STK39: variants seen among roughly 807,000 people sequenced by gnomAD.
STK39 encodes the protein STE20/SPS1-related proline-alanine-rich protein kinase.
Under a neutral mutation model 77.8 loss-of-function variants are expected in STK39, and 20 were observed. The observed-to-expected ratio is 0.26, with a 90% CI of 0.18 to 0.37. The LOEUF (loss-of-function observed/expected upper bound fraction) is 0.37. Among genes scored for constraint, STK39 ranks in the 10% least tolerant of loss-of-function variants. The probability of loss-of-function intolerance (pLI) is 1.00; values close to 1 mark genes in which losing one functional copy is unlikely to be tolerated. For missense variants in STK39, 479 were observed against 656.5 expected, an observed-to-expected ratio of 0.73 and a Z score of 2.95; for synonymous variants, 246 against 234.1, an observed-to-expected ratio of 1.05 and a Z score of -0.47.
chr2:168,075,896 G>C (rs113709045), intron 10 of STK39, among the ~76,000 whole-genome samples: 28 of 152,186 alleles, frequency 1.8e-4, no homozygotes, highest in Non-Finnish European at 3.7e-4. Context: ...AGCCATGCTA[G>C]TGTCTAGATT....
chr2:168,087,301 T>C (rs770050463), intron 10 of STK39, among the ~76,000 whole-genome samples: 14 of 152,220 alleles, frequency 9.2e-5, no homozygotes, highest in Non-Finnish European at 1.6e-4. Context: ...AGAAGATTTC[T>C]GACAAGCAAC....
intron 5 of STK39, 74 bp from the exon 6 acceptor site, chr2:168,140,832 G>T: frequency 8.1e-7 from 1 of 1,238,874 alleles, no homozygotes; most frequent in Non-Finnish European, 1.1e-6. Context: ...TTTTGAGCAT[G>T]TCTCTTCTTT....
intron 5 of STK39, among the ~76,000 whole-genome samples, chr2:168,146,491 G>A (rs1688144015): frequency 6.6e-6 from 1 of 152,190 alleles, no homozygotes; most frequent in African/African-American, 2.4e-5. Context: ...ATGCCTAAGT[G>A]GCTGGGTGGG....
At chr2:168,224,499 A>T (rs1464963288) in intron 1 of STK39, among the ~76,000 whole-genome samples, 2 of 151,804 alleles carry the variant, frequency 1.3e-5, no homozygotes, top group African/African-American at 4.9e-5. Flanking sequence ...CGCATTTACA[A>T]ATGCACACTA....
At chr2:168,099,566 C>T (rs949402409) in intron 10 of STK39, among the ~76,000 whole-genome samples, 6 of 152,160 alleles carry the variant, frequency 3.9e-5, no homozygotes, top group African/African-American at 1.4e-4. Flanking sequence ...TCAGCTGTAC[C>T]TATAGGGGAC....
intron 10 of STK39, among the ~76,000 whole-genome samples, chr2:168,112,267 T>C (rs1195053137): frequency 1.3e-5 from 2 of 152,158 alleles, no homozygotes; most frequent in Admixed American, 6.6e-5. Context: ...CACTGGACTC[T>C]TGGGACTCCT....
At chr2:167,983,493 GAA>G (rs1683483334) in intron 16 of STK39, among the ~76,000 whole-genome samples, 2 of 141,524 alleles carry the variant, frequency 1.4e-5, no homozygotes, top group Admixed American at 6.9e-5. Flanking sequence ...AGGAAGGAAG[GAA>G]GGAAGGAAGG....
At chr2:167,972,948 G>A (rs1268573055) in intron 16 of STK39, among the ~76,000 whole-genome samples, 1 of 152,106 alleles carries the variant, frequency 6.6e-6, no homozygotes, top group Non-Finnish European at 1.5e-5. Flanking sequence ...AGCTGTGCCT[G>A]CTTATTAGGC....
At chr2:168,037,958 C>CA (rs1182191774) in intron 14 of STK39, among the ~76,000 whole-genome samples, 1 of 151,958 alleles carries the variant, frequency 6.6e-6, no homozygotes, top group African/African-American at 2.4e-5. Context: ...ATCATTTGAG[C>CA]AAAAGACTTA....
intron 14 of STK39, among the ~76,000 whole-genome samples, chr2:168,059,204 T>C (rs1685601387): frequency 6.6e-6 from 1 of 152,204 alleles, no homozygotes; most frequent in Non-Finnish European, 1.5e-5. Context: ...AATTCTAAGA[T>C]GACCCCAATA....
At position 167,972,594 on chromosome 2, in the gene STK39, C is replaced by T. The variant is rs1046459043; in HGVS notation, c.1499-7868G>A. ...CATTTGTTAATTCTCTTCCCCTCCACGAACCATCTTAAATTTTCCTTTTTC... is the reference window on the plus strand; with the variant it reads ...CATTTGTTAATTCTCTTCCCCTCCATGAACCATCTTAAATTTTCCTTTTTC... On this transcript the variant is annotated intron_variant, in intron 16 of 17. Coordinates refer to ENST00000355999, the MANE Select transcript of STK39 (RefSeq NM_013233.3). Among the ~76,000 whole-genome samples, 7 of 152,170 alleles carry T rather than the reference C, an allele frequency of 4.6e-5. No individual in the cohort carries two copies. In the South Asian group the frequency reaches 6.2e-4, roughly 14 times the overall value.
chr2:168,121,390 C>A (rs1687401567), intron 10 of STK39, among the ~76,000 whole-genome samples: 1 of 152,160 alleles, frequency 6.6e-6, no homozygotes, highest in Admixed American at 6.5e-5. Context: ...GTATTTAATT[C>A]TCACTACTCT....
chr2:168,158,513 A>G lies in STK39; in HGVS notation c.628+3274T>C, dbSNP rs751409730. 2.0e-5 allele frequency among the ~76,000 whole-genome samples: 3 copies of G among 152,344 alleles called. No individual in the cohort carries two copies. In the South Asian group the frequency reaches 6.2e-4, roughly 32 times the overall value. The stretch of plus-strand genomic sequence containing the variant: ...GGCCCAAAGGGGAATCGATTTATGC[A>G]GAGACACAGAAGAGCTAGTGATCGC... On this transcript the variant is annotated intron_variant, in intron 5 of 17. Coordinates refer to ENST00000355999, the MANE Select transcript of STK39 (RefSeq NM_013233.3).
chr2:168,174,980 T>A (rs1221512671), intron 2 of STK39, among the ~76,000 whole-genome samples: 3 of 152,068 alleles, frequency 2.0e-5, no homozygotes, highest in African/African-American at 7.2e-5. Context: ...AGTGACAATG[T>A]AGGGTGTAAT....
At chr2:168,040,732 T>C (rs1408352467) in intron 14 of STK39, among the ~76,000 whole-genome samples, 1 of 152,206 alleles carries the variant, frequency 6.6e-6, no homozygotes, top group East Asian at 1.9e-4. Context: ...ATTGACAAAA[T>C]GTTTATATTT....
chr2:167,991,106 C>G (rs762199944), intron 16 of STK39, among the ~76,000 whole-genome samples: 1 of 152,178 alleles, frequency 6.6e-6, no homozygotes, highest in Non-Finnish European at 1.5e-5. Flanking sequence ...GATACAAACA[C>G]TTTTCAAAGC....
chr2:168,025,560 C>T (rs1435109923), intron 14 of STK39, among the ~76,000 whole-genome samples: 5 of 152,194 alleles, frequency 3.3e-5, no homozygotes, highest in Non-Finnish European at 5.9e-5. Flanking sequence ...CATATACACA[C>T]GTATACATGG....
At chr2:167,972,321 G>A (rs1308285632) in intron 16 of STK39, among the ~76,000 whole-genome samples, 1 of 152,186 alleles carries the variant, frequency 6.6e-6, no homozygotes, top group Non-Finnish European at 1.5e-5. Flanking sequence ...TAAATCTGGT[G>A]TATTTTGTGT....
At chr2:168,243,816 C>A (rs978517213) in intron 1 of STK39, among the ~76,000 whole-genome samples, 2 of 152,118 alleles carry the variant, frequency 1.3e-5, no homozygotes, top group African/African-American at 4.8e-5. Flanking sequence ...ATATTATTAA[C>A]ACCCCCAACA....
Sources: allele counts gnomAD v4.1 joint callset (sites outside exome capture counted in the v4.1 genomes callset), GRCh38; gene constraint gnomAD v4.1.1; transcripts MANE v1.5; gene names NCBI Gene and HGNC (gene_info 2026-07-23, HGNC 2026-07-21).